The following PDE11A variants were observed in gnomAD, a reference collection of about 807,000 sequenced individuals.
PDE11A encodes dual 3',5'-cyclic-AMP and -GMP phosphodiesterase 11A.
PDE11A carries 100 observed loss-of-function variants against 100.5 expected under a neutral mutation model. The ratio of observed to expected loss-of-function variants is 1.00; its 90% CI spans 0.85 to 1.18. PDE11A has a LOEUF of 1.18. PDE11A is among the 50% of genes most tolerant of loss of function. The probability of loss-of-function intolerance (pLI) is 0.00; values close to 1 mark genes in which losing one functional copy is unlikely to be tolerated. For synonymous variants in PDE11A, 381 were observed against 420.8 expected, an observed-to-expected ratio of 0.91 and a Z score of 1.16; for missense variants, 1,141 against 1,152.6, an observed-to-expected ratio of 0.99 and a Z score of 0.15.
At chr2:177,845,154 G>A in intron 5 of PDE11A, among the ~76,000 whole-genome samples, 2 of 150,982 alleles carry the variant, frequency 1.3e-5, no homozygotes, top group African/African-American at 2.4e-5. Flanking sequence ...CGGGGCGGCT[G>A]GCCGGGCGGG....
At position 177,828,662 on chromosome 2, in the gene PDE11A, G is replaced by A. The variant is rs554011863; in HGVS notation, c.1501-8367C>T. 3.3e-5 allele frequency among the ~76,000 whole-genome samples: 5 copies of A among 152,308 alleles called. No individual in the cohort carries two copies. The South Asian group carries it at 1.0e-3, about 32-fold the overall frequency. ...ATTGGGGGAAGAGTATTTCAGCTGA[G>A]GGAGTAGCCAGTGCAAAGCCCCTGA... On this transcript the variant is annotated intron_variant, in intron 6 of 19. Coordinates refer to ENST00000286063, the MANE Select transcript of PDE11A (RefSeq NM_016953.4).
At chr2:178,107,711 C>CTTTTTTTTTTTTTTTTTT (rs772556248) in intron 1 of PDE11A, among the ~76,000 whole-genome samples, 1 of 142,654 alleles carries the variant, frequency 7.0e-6, no homozygotes, top group Non-Finnish European at 1.5e-5. Context: ...TTAACAATTC[C>CTTTTTTTTTTTTTTTTTT]TTTTTTTTTC....
intron 4 of PDE11A, among the ~76,000 whole-genome samples, chr2:177,892,616 A>G (rs943910339): frequency 4.6e-5 from 7 of 152,220 alleles, no homozygotes; most frequent in Non-Finnish European, 1.0e-4. Context: ...GACTCATTTA[A>G]TACTGAAATT....
intron 19 of PDE11A, among the ~76,000 whole-genome samples, chr2:177,648,311 C>T (rs2080254504): frequency 7.0e-6 from 1 of 143,078 alleles, no homozygotes; most frequent in African/African-American, 2.4e-5. Context: ...GCTAACTCCC[C>T]AAAAGCCAAA....
At chr2:177,982,347 C>A (rs1457935939) in intron 2 of PDE11A, among the ~76,000 whole-genome samples, 1 of 150,604 alleles carries the variant, frequency 6.6e-6, no homozygotes, top group African/African-American at 2.4e-5. Context: ...ATATGTTTTA[C>A]AAAATGATAT....
At chr2:177,665,835 C>T (rs1414839956) in intron 18 of PDE11A, among the ~76,000 whole-genome samples, 3 of 138,930 alleles carry the variant, frequency 2.2e-5, no homozygotes, top group African/African-American at 8.1e-5. Flanking sequence ...CCAGCCTCGG[C>T]GACAGAGCAA....
At chr2:177,917,248 T>C (rs1306447478) in intron 2 of PDE11A, among the ~76,000 whole-genome samples, 1 of 152,186 alleles carries the variant, frequency 6.6e-6, no homozygotes, top group African/African-American at 2.4e-5. Flanking sequence ...GGAGCCATCA[T>C]TGATTGCTAT....
At chr2:178,053,180 T>G (rs1225748172) in intron 1 of PDE11A, among the ~76,000 whole-genome samples, 2 of 152,226 alleles carry the variant, frequency 1.3e-5, no homozygotes, top group Non-Finnish European at 2.9e-5. Context: ...TCAAGTGGGC[T>G]TCATCCCTGG....
intron 1 of PDE11A, among the ~76,000 whole-genome samples, chr2:178,064,177 T>A (rs1429712665): frequency 1.3e-5 from 2 of 152,232 alleles, no homozygotes; most frequent in Admixed American, 6.5e-5. Flanking sequence ...TTCCTGACTG[T>A]AAGTCTAGAG....
intron 2 of PDE11A, among the ~76,000 whole-genome samples, chr2:177,952,132 A>G (rs1027984068): frequency 6.6e-6 from 1 of 152,236 alleles, no homozygotes; most frequent in Non-Finnish European, 1.5e-5. Context: ...TCTTGCCATT[A>G]CATGACAAAG....
chr2:177,712,471 A>G (rs2081371543), intron 12 of PDE11A, among the ~76,000 whole-genome samples: 1 of 152,152 alleles, frequency 6.6e-6, no homozygotes, highest in Non-Finnish European at 1.5e-5. Context: ...TGAAATTCAT[A>G]CAGATAATAA....
intron 9 of PDE11A, among the ~76,000 whole-genome samples, chr2:177,774,294 G>A (rs1274137970): frequency 1.3e-5 from 2 of 152,234 alleles, no homozygotes; most frequent in South Asian, 4.1e-4. Context: ...ATCACCTATG[G>A]TCACTGGCCA....
rs2079852405 is a variant in PDE11A at position 177,627,325 on chromosome 2, C to T, written c.*2082G>A. 2.0e-5 allele frequency: 3 copies of T among 151,952 alleles called. No individual in the cohort carries two copies. Among genetic ancestry groups the T allele is most frequent in the Admixed American group, 1.3e-4 (2 of 15,256 alleles). 9.4% of individuals were successfully genotyped at this position (151,952 alleles called of 1,614,324 possible). On this transcript the variant is annotated 3_prime_UTR_variant, in exon 20 of 20. Coordinates refer to ENST00000286063, the MANE Select transcript of PDE11A (RefSeq NM_016953.4). ...TGCTGGGATTACAGGCGTGAGCCAC[C>T]GCGCCCGGTCTATACATTTCTTTTA...
intron 2 of PDE11A, among the ~76,000 whole-genome samples, chr2:178,012,618 C>T (rs2086285699): frequency 6.6e-6 from 1 of 152,172 alleles, no homozygotes; most frequent in East Asian, 1.9e-4. Context: ...AAGAAAGGTA[C>T]AGAGTCCTGT....
intron 12 of PDE11A, among the ~76,000 whole-genome samples, chr2:177,720,748 C>T (rs1472720468): frequency 6.6e-6 from 1 of 152,168 alleles, no homozygotes; most frequent in Non-Finnish European, 1.5e-5. Context: ...ATGAATGCAA[C>T]CAAATATTGA....
intron 19 of PDE11A, among the ~76,000 whole-genome samples, chr2:177,633,057 G>A (rs1391665370): frequency 6.6e-6 from 1 of 152,228 alleles, no homozygotes; most frequent in East Asian, 1.9e-4. Context: ...CACAGAAGTT[G>A]TGAGATTATT....
chr2:178,004,456 C>T (rs890120654), intron 2 of PDE11A, among the ~76,000 whole-genome samples: 1 of 152,114 alleles, frequency 6.6e-6, no homozygotes, highest in African/African-American at 2.4e-5. Context: ...TCAAATAATG[C>T]TAAACTAGTT....
At chr2:177,689,430 G>A (rs1028193427) in intron 15 of PDE11A, among the ~76,000 whole-genome samples, 1 of 152,168 alleles carries the variant, frequency 6.6e-6, no homozygotes, top group Non-Finnish European at 1.5e-5. Flanking sequence ...AGGGGTTGCA[G>A]GGTGCACAGA....
chr2:178,080,735 C>T (rs373527718), intron 2 of PDE11A, among the ~76,000 whole-genome samples: 1 of 151,758 alleles, frequency 6.6e-6, no homozygotes, highest in African/African-American at 2.4e-5. Context: ...AGACAGTTTC[C>T]ATTAGTCTCA....
Sources: allele counts gnomAD v4.1 joint callset (sites outside exome capture counted in the v4.1 genomes callset), GRCh38; gene constraint gnomAD v4.1.1; transcripts MANE v1.5; gene names NCBI Gene and HGNC (gene_info 2026-07-23, HGNC 2026-07-21).